PRICKLE1: variants seen among roughly 807,000 people sequenced by gnomAD.
The protein encoded by PRICKLE1 is prickle planar cell polarity protein 1.
In PRICKLE1, 14 loss-of-function variants were observed where a neutral mutation model predicts 70.2. That is an observed-to-expected ratio of 0.20 (90% CI 0.13 to 0.31). The LOEUF is 0.31. Ranked by LOEUF, PRICKLE1 falls within the 10% of genes least tolerant of loss-of-function variation. The probability of loss-of-function intolerance (pLI) is 1.00; values close to 1 mark genes in which losing one functional copy is unlikely to be tolerated. For missense variants in PRICKLE1, 821 were observed against 1,026.2 expected, an observed-to-expected ratio of 0.80 and a Z score of 2.73; for synonymous variants, 357 against 379.9, an observed-to-expected ratio of 0.94 and a Z score of 0.70.
In PRICKLE1 at chr12:42,517,306, A is replaced by ATTTTTTTTTTTTTTT. The variant is rs71794718; in HGVS notation, c.-48-44757_-48-44743dup. 2.2e-5 allele frequency among the ~76,000 whole-genome samples: 2 copies of ATTTTTTTTTTTTTTT among 88,956 alleles called. 1 individual carries two copies. The highest frequency in any genetic ancestry group is 9.0e-5 in the African/African-American group (2 of 22,166). The allele number at this position is 88,956 out of a possible 152,430, so 58.4% of individuals were successfully genotyped here. On this transcript the variant is annotated intron_variant, in intron 1 of 7. Coordinates refer to ENST00000345127, the MANE Select transcript of PRICKLE1 (RefSeq NM_153026.3). ...ACTAAATGTGTGTACTCAGTCTGCC[A>ATTTTTTTTTTTTTTT]TTTTTTTTTTTTTTTTTTTTTTTTG...
chr12:42,532,513 ATATAT>A (rs1387952175), intron 1 of PRICKLE1, among the ~76,000 whole-genome samples: 1 of 152,262 alleles, frequency 6.6e-6, no homozygotes, highest in Non-Finnish European at 1.5e-5. Flanking sequence ...AATTTCGTTA[ATATAT>A]TTTATTTAGC....
intron 1 of PRICKLE1, among the ~76,000 whole-genome samples, chr12:42,515,852 C>T (rs1248933736): frequency 1.3e-5 from 2 of 152,124 alleles, no homozygotes; most frequent in African/African-American, 4.8e-5. Flanking sequence ...TGATGATGTA[C>T]ATTGGTATGA....
chr12:42,540,878 C>T (rs1430499121), intron 1 of PRICKLE1, among the ~76,000 whole-genome samples: 1 of 152,066 alleles, frequency 6.6e-6, no homozygotes, highest in Non-Finnish European at 1.5e-5. Flanking sequence ...TTTCTTCTAC[C>T]TCCATCAAGC....
intron 1 of PRICKLE1, among the ~76,000 whole-genome samples, chr12:42,504,109 T>C (rs2600927): frequency 0.17 from 25,985 of 152,006 alleles, 2,928 homozygotes; most frequent in African/African-American, 0.3. Context: ...GAAAATGAGA[T>C]ATGAAGAAGA....
intron 1 of PRICKLE1, among the ~76,000 whole-genome samples, chr12:42,580,045 G>GT (rs544335911): frequency 2.4e-4 from 36 of 150,154 alleles, no homozygotes; most frequent in African/African-American, 3.2e-4. Context: ...CTAATTTTTT[G>GT]TTTTTTTTTA....
chr12:42,497,588 A>G (rs1307112588), intron 1 of PRICKLE1, among the ~76,000 whole-genome samples: 1 of 151,586 alleles, frequency 6.6e-6, no homozygotes. Flanking sequence ...TTGCCATCTT[A>G]TATGGGCACA....
chr12:42,587,422 C>T (rs1941002058), intron 1 of PRICKLE1, among the ~76,000 whole-genome samples: 1 of 151,990 alleles, frequency 6.6e-6, no homozygotes, highest in African/African-American at 2.4e-5. Flanking sequence ...ACTTATTAAA[C>T]TTGGAGATTT....
intron 5 of PRICKLE1, among the ~76,000 whole-genome samples, chr12:42,467,264 A>C (rs1021760140): frequency 5.3e-5 from 8 of 151,596 alleles, no homozygotes; most frequent in African/African-American, 1.9e-4. Context: ...CTAAAGGTGC[A>C]TGCCACCATG....
chr12:42,534,627 G>GT (rs1939986722), intron 1 of PRICKLE1, among the ~76,000 whole-genome samples: 1 of 152,132 alleles, frequency 6.6e-6, no homozygotes, highest in Non-Finnish European at 1.5e-5. Context: ...TTTGTCTAAG[G>GT]CAGCATGCCT....
At chr12:42,479,824 G>A (rs939028409) in intron 1 of PRICKLE1, among the ~76,000 whole-genome samples, 3 of 151,988 alleles carry the variant, frequency 2.0e-5, no homozygotes, top group East Asian at 1.9e-4. Flanking sequence ...GCATGGTGGC[G>A]CATGTCTGTA....
At chr12:42,543,206 C>T (rs992427644) in intron 1 of PRICKLE1, among the ~76,000 whole-genome samples, 20 of 152,180 alleles carry the variant, frequency 1.3e-4, no homozygotes, top group African/African-American at 4.8e-4. Flanking sequence ...TGAATGAAGA[C>T]ACCCCTTTAT....
chr12:42,568,986 T>C (rs1940666293), intron 1 of PRICKLE1, among the ~76,000 whole-genome samples: 1 of 152,224 alleles, frequency 6.6e-6, no homozygotes, highest in Non-Finnish European at 1.5e-5. Flanking sequence ...AGTGAAGGCA[T>C]ACTATTTTCC....
intron 1 of PRICKLE1, among the ~76,000 whole-genome samples, chr12:42,542,058 G>A (rs184624165): frequency 6.6e-6 from 1 of 152,314 alleles, no homozygotes; most frequent in East Asian, 1.9e-4. Flanking sequence ...CCAAGAAAAT[G>A]AAGCTATGAG....
At chr12:42,499,043 T>G (rs1311080540) in intron 1 of PRICKLE1, among the ~76,000 whole-genome samples, 3 of 152,216 alleles carry the variant, frequency 2.0e-5, no homozygotes, top group Non-Finnish European at 4.4e-5. Context: ...ATGTCACTAC[T>G]TTATCTTTGG....
chr12:42,503,721 T>C (rs973944843), intron 1 of PRICKLE1, among the ~76,000 whole-genome samples: 10 of 152,222 alleles, frequency 6.6e-5, no homozygotes, highest in African/African-American at 2.4e-4. Context: ...CATATATGAA[T>C]ATCCCTAGCC....
chr12:42,555,123 T>C (rs1592025066), intron 1 of PRICKLE1, among the ~76,000 whole-genome samples: 2 of 152,072 alleles, frequency 1.3e-5, no homozygotes, highest in East Asian at 3.9e-4. Context: ...GGCAACATGG[T>C]GAAACCCTGT....
Position 42,459,674 on chromosome 12 carries a change from C to T in PRICKLE1, c.*135G>A. 1.0e-6 allele frequency: 1 copy of T among 989,312 alleles called. No homozygotes were observed. Among genetic ancestry groups the T allele is most frequent in the South Asian group, 1.5e-5 (1 of 68,832 alleles). 61.3% of individuals were successfully genotyped at this position (989,312 alleles called of 1,614,324 possible). ...TCAAATGTTAATCTGACACTGTAAA[C>T]AGCAGTTGAGTTCTCATTTACATGG... On this transcript the variant is annotated 3_prime_UTR_variant, in exon 8 of 8. Coordinates refer to ENST00000345127, the MANE Select transcript of PRICKLE1 (RefSeq NM_153026.3).
chr12:42,524,476 C>T (rs377009906), intron 1 of PRICKLE1, among the ~76,000 whole-genome samples: 8 of 152,080 alleles, frequency 5.3e-5, no homozygotes, highest in Non-Finnish European at 8.8e-5. Flanking sequence ...TGCAGTGGCG[C>T]GATCTTGGCT....
intron 1 of PRICKLE1, among the ~76,000 whole-genome samples, chr12:42,500,273 T>C (rs1470789352): frequency 6.6e-6 from 1 of 152,248 alleles, no homozygotes; most frequent in African/African-American, 2.4e-5. Flanking sequence ...AGCAGTTCAT[T>C]GTACCATCTT....
Sources: allele counts gnomAD v4.1 joint callset (sites outside exome capture counted in the v4.1 genomes callset), GRCh38; gene constraint gnomAD v4.1.1; transcripts MANE v1.5; gene names NCBI Gene and HGNC (gene_info 2026-07-23, HGNC 2026-07-21).